The following NEK8 variants were observed in gnomAD, a reference collection of about 807,000 sequenced individuals.
NEK8 encodes the protein serine/threonine-protein kinase Nek8.
NEK8 carries 51 observed loss-of-function variants against 77.2 expected under a neutral mutation model. The observed-to-expected ratio is 0.66, with a 90% CI of 0.53 to 0.83. The LOEUF is 0.83. Among genes scored for constraint, NEK8 ranks in the 40% least tolerant of loss-of-function variants. NEK8 has a pLI of 0.00. For missense variants in NEK8, 787 were observed against 909.2 expected (o/e 0.87, Z 1.73); for synonymous variants, 365 against 363.2 (o/e 1.00, Z -0.06).
rs964154293 is a variant in NEK8, at chr17:28,740,356, G to T, written c.1418-107G>T. The T allele has an allele frequency of 5.4e-6, 5 of 931,150 alleles. No homozygotes were observed. Among genetic ancestry groups the T allele is most frequent in the Non-Finnish European group, 8.9e-6 (5 of 560,944 alleles). The allele number at this position is 931,150 out of a possible 1,614,324, so 57.7% of individuals were successfully genotyped here. A position where few individuals can be genotyped will look rare whatever the true frequency, so the allele number is the denominator to read the frequency against. Reference sequence around the variant, plus strand: ...GGGCCTAGGAAAGGCATTTGGGACTGAGAGAACAGAGAACTCATGCTGTTC... The same window carrying T: ...GGGCCTAGGAAAGGCATTTGGGACTTAGAGAACAGAGAACTCATGCTGTTC... On this transcript the variant is annotated intron_variant, in intron 10 of 14. Coordinates refer to ENST00000268766, the MANE Select transcript of NEK8 (RefSeq NM_178170.3). The surrounding 1 kb of genome is among the most constrained non-coding windows in gnomAD (Gnocchi z 4.7).
At position 28,728,800 on chromosome 17, in the gene NEK8, C is replaced by G. The variant is rs1466583338; in HGVS notation, c.-14C>G. The G allele has an allele frequency of 1.3e-6, 2 of 1,550,810 alleles. No individual in the cohort carries two copies. Among genetic ancestry groups the G allele is most frequent in the African/African-American group, 1.4e-5 (1 of 73,046 alleles). On this transcript the variant is annotated 5_prime_UTR_variant, in exon 1 of 15. Transcript: ENST00000268766. ...CGCCGCGTGGGGGACGGAAGTGAAACTCTAAGAAATGAGATGGAGAAGTAC... is the reference window on the plus strand; with the variant it reads ...CGCCGCGTGGGGGACGGAAGTGAAAGTCTAAGAAATGAGATGGAGAAGTAC...
At chr17:28,735,062 A>C (rs2034349925) in intron 3 of NEK8, 58 bp downstream of exon 3, 1 of 1,517,778 alleles carries the variant, frequency 6.6e-7, no homozygotes, top group Non-Finnish European at 9.1e-7. Flanking sequence ...CCAGGACCTA[A>C]CCCTGCCTCC....
In NEK8 at chr17:28,738,692, T is replaced by C. The variant is rs1597807156; in HGVS notation, c.1244T>C (p.Phe415Ser). The C allele has an allele frequency of 3.1e-6, 5 of 1,614,150 alleles. No homozygotes were observed. Among genetic ancestry groups the C allele is most frequent in the Non-Finnish European group, 4.2e-6 (5 of 1,180,004 alleles). The change falls in exon 9 of 15, where the codon TTC (phenylalanine) becomes TCC (serine). Residue 415 changes from phenylalanine (F) to serine (S), a missense_variant. Around this residue, in one of 2 missense-constraint regions of NEK8, gnomAD observed 516 missense variants for 544.0 expected, o/e 0.95. Coordinates refer to ENST00000268766, the MANE Select transcript of NEK8 (RefSeq NM_178170.3). ...CLTDRGIIMTFGSGSNGCLGH... is the reference protein window; with the variant it reads ...CLTDRGIIMTSGSGSNGCLGH... ...CCAGACAGAGGCATCATCATGACATTCGGCAGCGGCAGCAATGGGTGCCTA... is the reference window on the plus strand; with the variant it reads ...CCAGACAGAGGCATCATCATGACATCCGGCAGCGGCAGCAATGGGTGCCTA...
At chr17:28,736,877 ATTC>A in intron 4 of NEK8, among the ~76,000 whole-genome samples, 1 of 151,870 alleles carries the variant, frequency 6.6e-6, no homozygotes, top group South Asian at 2.1e-4. Context: ...TTGCCTAGGT[ATTC>A]TTCTAGGGGT....
rs181429557 is a variant in NEK8, at chr17:28,733,875, A to G, written c.48-108A>G. Reference sequence around the variant, plus strand: ...TGTGCGCTTGGTTAGATGACCTCTCAGTCTAGAACCCTCTTCCAAGAGACA... The same window carrying G: ...TGTGCGCTTGGTTAGATGACCTCTCGGTCTAGAACCCTCTTCCAAGAGACA... On this transcript the variant is annotated intron_variant, in intron 1 of 14. Transcript: ENST00000268766. 14 of 878,956 alleles carry G rather than the reference A, an allele frequency of 1.6e-5. No homozygotes were observed. The East Asian group carries it at 3.6e-4, about 23-fold the overall frequency. 54.4% of individuals were successfully genotyped at this position (878,956 alleles called of 1,614,324 possible).
intron 4 of NEK8, among the ~76,000 whole-genome samples, chr17:28,735,904 C>T (rs1323467159): frequency 6.6e-6 from 1 of 151,608 alleles, no homozygotes; most frequent in African/African-American, 2.4e-5. Flanking sequence ...TTAGGTATAT[C>T]TCCTAATGCT....
Position 28,735,322 on chromosome 17 carries a change from G to A in NEK8, c.569G>A (p.Gly190Asp). The change falls in exon 4 of 15, where the codon GGC becomes GAC. Residue 190 changes from glycine to aspartate, a missense_variant. Around this residue, in one of 2 missense-constraint regions of NEK8, gnomAD observed 271 missense variants for 365.1 expected, o/e 0.74. Coordinates refer to ENST00000268766, the MANE Select transcript of NEK8 (RefSeq NM_178170.3). ...YNQKSDIWALGCVLYELASLK... is the reference protein window; with the variant it reads ...YNQKSDIWALDCVLYELASLK... ...CAGAAGAGTGACATCTGGGCCCTGG[G>A]CTGTGTCCTCTACGAGCTGGCCAGC... The A allele has an allele frequency of 6.2e-7, 1 of 1,614,066 alleles. No individual in the cohort carries two copies. The highest frequency in any genetic ancestry group is 8.5e-7 in the Non-Finnish European group (1 of 1,179,972).
rs780882981 is a variant in NEK8, at chr17:28,740,449, G to T, written c.1418-14G>T. ...TAAAGCTCAAATTAACTCCTTCTGG[G>T]TTTCTTCTTGTAGGCAGACTGGGGC... On this transcript the variant is annotated splice_polypyrimidine_tract_variant and intron_variant, in intron 10 of 14. Transcript: ENST00000268766. This position sits in a 1 kb window ranked among gnomAD's most constrained non-coding sequence, Gnocchi z 4.7. The T allele has an allele frequency of 1.9e-6, 3 of 1,614,002 alleles. No homozygotes were observed. Among genetic ancestry groups the T allele is most frequent in the Admixed American group, 3.3e-5 (2 of 60,000 alleles).
intron 1 of NEK8, among the ~76,000 whole-genome samples, chr17:28,730,213 C>T (rs887082473): frequency 2.6e-5 from 4 of 151,486 alleles, no homozygotes; most frequent in African/African-American, 9.7e-5. Flanking sequence ...CGGGTTCACG[C>T]AATTCTCCTG....
At position 28,741,159 on chromosome 17, in the gene NEK8, G is replaced by T. The variant is rs1205112547; in HGVS notation, c.1814G>T (p.Cys605Phe). The stretch of plus-strand genomic sequence containing the variant: ...ACTCGCCGAGGCAGTCGGGCACCCT[G>T]TAAGGTCCAAGGCCTTGAGGGCATC... The part of the protein sequence containing the change: ...TNTRRGSRAP[C>F]KVQGLEGIKM... Residue 605 changes from cysteine to phenylalanine, a missense_variant, in exon 13 of 15, where the codon TGT becomes TTT. Cys to Phe is a radical substitution (Grantham distance 205, BLOSUM62 -2). This residue lies in a region of NEK8 where 516 missense variants were observed against 544.0 expected (regional missense o/e 0.95). Coordinates refer to ENST00000268766, the MANE Select transcript of NEK8 (RefSeq NM_178170.3). The surrounding 1 kb of genome is among the most constrained non-coding windows in gnomAD (Gnocchi z 4.5). The T allele has an allele frequency of 6.2e-7, 1 of 1,614,078 alleles. No individual in the cohort carries two copies. Among genetic ancestry groups the T allele is most frequent in the Admixed American group, 1.7e-5 (1 of 60,022 alleles).
At position 28,741,958 on chromosome 17, in the gene NEK8, G is replaced by C; in HGVS notation, c.2051-1G>C. ...AAGGGTTTCTCTTCGGTACCCTCCAGCGGTCACAGATGAGCCGGTCCCCCC... is the reference window on the plus strand; with the variant it reads ...AAGGGTTTCTCTTCGGTACCCTCCACCGGTCACAGATGAGCCGGTCCCCCC... On this transcript the variant is annotated splice_acceptor_variant, in intron 14 of 14. Coordinates refer to ENST00000268766, the MANE Select transcript of NEK8 (RefSeq NM_178170.3). LOFTEE classifies it high-confidence loss of function. This position sits in a 1 kb window ranked among gnomAD's most constrained non-coding sequence, Gnocchi z 4.5. The C allele has an allele frequency of 6.2e-7, 1 of 1,614,116 alleles. No homozygotes were observed. Among genetic ancestry groups the C allele is most frequent in the Non-Finnish European group, 8.5e-7 (1 of 1,180,006 alleles).
chr17:28,738,824 T>C, intron 9 of NEK8, 77 bp downstream of exon 9: 2 of 1,198,250 alleles, frequency 1.7e-6, no homozygotes, highest in South Asian at 1.2e-5. Context: ...GACACCAGAT[T>C]GGGGGCAGGG....
intron 10 of NEK8, among the ~76,000 whole-genome samples, chr17:28,739,782 G>A (rs1366628337): frequency 2.0e-5 from 3 of 152,050 alleles, no homozygotes; most frequent in Non-Finnish European, 4.4e-5. Flanking sequence ...TCCTCTTTGG[G>A]TCAGGCATCA....
intron 1 of NEK8, among the ~76,000 whole-genome samples, chr17:28,732,697 G>A (rs938918628): frequency 3.3e-5 from 5 of 151,238 alleles, no homozygotes; most frequent in South Asian, 2.1e-4. Flanking sequence ...GATTACAGGC[G>A]CCTGCCACCA....
At chr17:28,735,093 C>A in intron 3 of NEK8, 89 bp downstream of exon 3, 1 of 1,524,738 alleles carries the variant, frequency 6.6e-7, no homozygotes, top group Non-Finnish European at 9.0e-7. Context: ...CTAAAAAACC[C>A]TTGGCCCTTT....
chr17:28,737,932 G>A lies in NEK8; in HGVS notation c.1003G>A (p.Val335Ile). ...LRLPMLNTEV[V>I]QVAAGRTQKA... ...GCTGCCAATGCTCAACACAGAGGTGGTCCAGGTGGCAGCTGGGCGCACGCA... is the reference window on the plus strand; with the variant it reads ...GCTGCCAATGCTCAACACAGAGGTGATCCAGGTGGCAGCTGGGCGCACGCA... Residue 335 changes from valine (V) to isoleucine (I), a missense_variant, in exon 7 of 15, where the codon GTC becomes ATC. Val to Ile is a conservative substitution (Grantham distance 29). Transcript: ENST00000268766. The surrounding 1 kb of genome is among the most constrained non-coding windows in gnomAD (Gnocchi z 4.8). The A allele has an allele frequency of 1.9e-6, 3 of 1,613,266 alleles. No individual in the cohort carries two copies. Among genetic ancestry groups the A allele is most frequent in the Non-Finnish European group, 2.5e-6 (3 of 1,179,522 alleles).
At position 28,737,953 on chromosome 17, in the gene NEK8, A is replaced by G; in HGVS notation, c.1024A>G (p.Thr342Ala). 2.5e-6 allele frequency: 4 copies of G among 1,612,728 alleles called. No homozygotes were observed. Among genetic ancestry groups the G allele is most frequent in the Non-Finnish European group, 3.4e-6 (4 of 1,179,236 alleles). The change falls in exon 7 of 15, where the codon ACG becomes GCG. Residue 342 changes from threonine to alanine, a missense_variant. By Grantham distance (58) the Thr-to-Ala change is moderately conservative (BLOSUM62 0). Transcript: ENST00000268766. This position sits in a 1 kb window ranked among gnomAD's most constrained non-coding sequence, Gnocchi z 4.8. ...TEVVQVAAGR[T>A]QKAGVTRSGR... ...GGTGGTCCAGGTGGCAGCTGGGCGC[A>G]CGCAGAAAGCCGGCGTCACGCGCTC...
chr17:28,735,243 G>T lies in NEK8; in HGVS notation c.490G>T (p.Val164Leu). 1 of 1,614,094 alleles carries T rather than the reference G, an allele frequency of 6.2e-7. No individual in the cohort carries two copies. The highest frequency in any genetic ancestry group is 8.5e-7 in the Non-Finnish European group (1 of 1,180,004). ...LSSKSKAYTVVGTPCYISPEL... is the reference protein window; with the variant it reads ...LSSKSKAYTVLGTPCYISPEL... ...GATCCCAGCTTCTATCCTGCAGGTG[G>T]TGGGTACCCCATGCTATATCTCCCC... The change falls in exon 4 of 15, where the codon GTG becomes TTG. Residue 164 changes from valine to leucine, a missense_variant. Val to Leu is a conservative substitution (Grantham distance 32). Coordinates refer to ENST00000268766, the MANE Select transcript of NEK8 (RefSeq NM_178170.3).
In NEK8 at chr17:28,734,776, C is replaced by T. The variant is rs2034345951; in HGVS notation, c.258C>T (p.Gly86=). The T allele has an allele frequency of 6.2e-7, 1 of 1,611,720 alleles. No individual in the cohort carries two copies. Among genetic ancestry groups the T allele is most frequent in the Admixed American group, 1.7e-5 (1 of 59,988 alleles). Residue 86 remains glycine, a synonymous_variant, in exon 3 of 15, where the codon GGC becomes GGT. Transcript: ENST00000268766. ...LMIAMEYAPG[G]TLAEFIQKRC... ...GATTAGTCCCTTGGGCCACAGGCGG[C>T]ACTCTGGCTGAGTTCATCCAAAAGC...
Sources: gnomAD v4.1 joint callset for allele counts (sites outside exome capture counted in the v4.1 genomes callset) on GRCh38, gnomAD v4.1.1 for gene constraint, gnomAD v4.1.1 regional missense constraint, Gnocchi (gnomAD v3.1) non-coding constraint, MANE v1.5 for transcripts, NCBI Gene and HGNC (gene_info 2026-07-23, HGNC 2026-07-21) for gene names.